The following SEC16A variants were observed in gnomAD, a reference collection of about 807,000 sequenced individuals.
SEC16A encodes the protein protein transport protein Sec16A.
Under a neutral mutation model 221.9 loss-of-function variants are expected in SEC16A, and 110 were observed. The ratio of observed to expected loss-of-function variants is 0.50; its 90% CI spans 0.42 to 0.58. The LOEUF (loss-of-function observed/expected upper bound fraction) is 0.58, where lower values mean the gene tolerates loss of function less well. Among genes scored for constraint, SEC16A ranks in the 20% least tolerant of loss-of-function variants. SEC16A has a pLI of 0.00. For synonymous variants in SEC16A, 1,393 were observed against 1,257.7 expected (o/e 1.11, Z -2.28); for missense variants, 3,165 against 3,097.8 (o/e 1.02, Z -0.52).
At chr9:136,471,089 T>C (rs1840795525) in intron 4 of SEC16A, among the ~76,000 whole-genome samples, 1 of 151,928 alleles carries the variant, frequency 6.6e-6, no homozygotes, top group African/African-American at 2.4e-5. Context: ...GAAGCCACAG[T>C]GCCACAGGTC....
intron 30 of SEC16A, 112 bp downstream of exon 30, chr9:136,444,940 C>A: frequency 2.7e-6 from 2 of 733,066 alleles, no homozygotes; most frequent in Non-Finnish European, 2.3e-6. Flanking sequence ...CTGAGGGAGA[C>A]AACGGGCGAG....
At position 136,447,636 on chromosome 9, in the gene SEC16A, C is replaced by T. The variant is rs775137786; in HGVS notation, c.6492G>A (p.Val2164=). 29 of 1,613,798 alleles carry T rather than the reference C, an allele frequency of 1.8e-5. 1 individual carries two copies. In the Middle Eastern group the frequency reaches 1.8e-3, roughly 101 times the overall value. The stretch of plus-strand genomic sequence containing the variant: ...CTGGGAGGGCAGGCGGGGCAGCTTG[C>T]ACAGTCTTGGGCATCGAGGTTGGAG... The part of the protein sequence containing the change: ...PPPPTSMPKT[V]QAAPPALPGP... The change falls in exon 26 of 32, where the codon GTG becomes GTA. Residue 2164 remains valine (V), a synonymous_variant. Transcript: ENST00000684901. The surrounding 1 kb of genome is among the most constrained non-coding windows in gnomAD (Gnocchi z 5.5).
chr9:136,463,023 G>A lies in SEC16A; in HGVS notation c.4757C>T (p.Ala1586Val). ...EANLIDFTNE[A>V]VEQVEEEESG... is the part of the protein sequence containing the mutation. Reference sequence around the variant, plus strand: ...CTCCTCCTCTTCCACCTGCTCCACTGCCTCATTCGTGAAATCAATCAGGTT... The same window carrying A: ...CTCCTCCTCTTCCACCTGCTCCACTACCTCATTCGTGAAATCAATCAGGTT... Residue 1586 changes from alanine to valine, a missense_variant, in exon 12 of 32, where the codon GCA (alanine) becomes GTA (valine). By Grantham distance (64) the Ala-to-Val change is moderately conservative. Coordinates refer to ENST00000684901, the MANE Select transcript of SEC16A (RefSeq NM_014866.2). 1 of 1,612,156 alleles carries A rather than the reference G, an allele frequency of 6.2e-7. No individual in the cohort carries two copies. Among genetic ancestry groups the A allele is most frequent in the South Asian group, 1.1e-5 (1 of 91,088 alleles).
In SEC16A at chr9:136,449,636, T is replaced by C. The variant is rs76201549; in HGVS notation, c.6313-1475A>G. Among the ~76,000 whole-genome samples the C allele has an allele frequency of 2.4e-3, 372 of 152,292 alleles. 2 individuals are homozygous for C. Among genetic ancestry groups the C allele is most frequent in the African/African-American group, 8.5e-3 (355 of 41,568 alleles). On this transcript the variant is annotated intron_variant, in intron 23 of 31. Coordinates refer to ENST00000684901, the MANE Select transcript of SEC16A (RefSeq NM_014866.2). ...CAGGTGTGAGCCGCCATGCCCGGCCTGATGCACTTCACTTCTACTGAAGAA... is the reference window on the plus strand; with the variant it reads ...CAGGTGTGAGCCGCCATGCCCGGCCCGATGCACTTCACTTCTACTGAAGAA...
upstream of SEC16A, chr9:136,484,482 C>G: frequency 8.2e-7 from 1 of 1,214,922 alleles, no homozygotes; most frequent in South Asian, 1.5e-5. Flanking sequence ...ACCTGCCTGG[C>G]AAGGGCAGGG....
chr9:136,441,699 C>A lies in SEC16A; in HGVS notation c.*56G>T. 6.4e-7 allele frequency: 1 copy of A among 1,556,586 alleles called. No homozygotes were observed. The highest frequency in any genetic ancestry group is 8.9e-7 in the Non-Finnish European group (1 of 1,129,076). On this transcript the variant is annotated 3_prime_UTR_variant, in exon 32 of 32. Coordinates refer to ENST00000684901, the MANE Select transcript of SEC16A (RefSeq NM_014866.2). ...GGAGATCGCGGAGGTCGGTCGGGTT[C>A]TTCGGGGAGAACAGCAGCGTCAGGG...
chr9:136,445,350 G>A (rs924758036), intron 29 of SEC16A, among the ~76,000 whole-genome samples: 5 of 152,208 alleles, frequency 3.3e-5, no homozygotes, highest in African/African-American at 1.2e-4. Context: ...CTCGGCCTAA[G>A]CCAGCTTCAC....
chr9:136,446,561 T>C (rs1837020369), intron 28 of SEC16A, among the ~76,000 whole-genome samples: 1 of 152,138 alleles, frequency 6.6e-6, no homozygotes, highest in Admixed American at 6.6e-5. Flanking sequence ...TTGTAAAATA[T>C]ACATACTGTA....
intron 12 of SEC16A, among the ~76,000 whole-genome samples, chr9:136,461,594 C>T (rs1313208467): frequency 1.3e-5 from 2 of 152,230 alleles, no homozygotes; most frequent in African/African-American, 2.4e-5. Context: ...CTGGGAAACA[C>T]GCTCGAGTCA....
rs1840100636 is a variant in SEC16A at position 136,466,020 on chromosome 9, G to A, written c.4245C>T (p.Gly1415=). ...GGTAGCCATACTCTGGGAAGCCGGG[G>A]CCACTGCTGAAATTGCTGCGGTAGG... ...YGTYRSNFSS[G]PGFPEYGYPA... is the part of the protein sequence containing the mutation. The change falls in exon 8 of 32, where the codon GGC becomes GGT. Residue 1415 remains glycine, a synonymous_variant. Transcript: ENST00000684901. This position sits in a 1 kb window ranked among gnomAD's most constrained non-coding sequence, Gnocchi z 5.5. The A allele has an allele frequency of 6.2e-7, 1 of 1,613,774 alleles. No individual in the cohort carries two copies. The highest frequency in any genetic ancestry group is 1.7e-5 in the Admixed American group (1 of 60,030).
chr9:136,447,121 C>T lies in SEC16A; in HGVS notation c.6697+106G>A. 2.6e-6 allele frequency: 4 copies of T among 1,515,928 alleles called. No individual in the cohort carries two copies. Among genetic ancestry groups the T allele is most frequent in the Non-Finnish European group, 3.5e-6 (4 of 1,128,088 alleles). The allele number at this position is 1,515,928 out of a possible 1,614,324, so 93.9% of individuals were successfully genotyped here. ...CAACCCCAGGCTCTCTGCATGCTGG[C>T]CAGGTCATTCTTTTAACGGGAGATT... On this transcript the variant is annotated intron_variant, in intron 27 of 31. Coordinates refer to ENST00000684901, the MANE Select transcript of SEC16A (RefSeq NM_014866.2). This position sits in a 1 kb window ranked among gnomAD's most constrained non-coding sequence, Gnocchi z 5.5.
At chr9:136,469,247 C>T (rs1214742342) in intron 4 of SEC16A, among the ~76,000 whole-genome samples, 2 of 152,146 alleles carry the variant, frequency 1.3e-5, no homozygotes, top group Non-Finnish European at 2.9e-5. Flanking sequence ...AGGGTACCCC[C>T]GTCAGAGCCC....
chr9:136,450,956 A>G (rs1266698781), intron 23 of SEC16A, among the ~76,000 whole-genome samples: 1 of 152,190 alleles, frequency 6.6e-6, no homozygotes, highest in Non-Finnish European at 1.5e-5. Flanking sequence ...GGCACACACC[A>G]CAGTGACAAA....
At position 136,441,327 on chromosome 9, in the gene SEC16A, A is replaced by T. The variant is rs1836163332; in HGVS notation, c.*428T>A. On this transcript the variant is annotated 3_prime_UTR_variant, in exon 32 of 32. Transcript: ENST00000684901. ...ACCCTCTCTTTGCTCCCAGCACCTT[A>T]AAGGAAGCGCGGGACTCACTGGGCA... 1 of 212,554 alleles carries T rather than the reference A, an allele frequency of 4.7e-6. No individual in the cohort carries two copies. The highest frequency in any genetic ancestry group is 2.3e-5 in the African/African-American group (1 of 44,112). 13.2% of individuals were successfully genotyped at this position (212,554 alleles called of 1,614,324 possible).
At position 136,451,470 on chromosome 9, in the gene SEC16A, G is replaced by A. The variant is rs45564338; in HGVS notation, c.6160-62C>T. The A allele has an allele frequency of 3.7e-3, 5,639 of 1,513,784 alleles. 194 individuals carry two copies. In the African/African-American group the frequency reaches 0.067, roughly 18 times the overall value. The allele number at this position is 1,513,784 out of a possible 1,614,324, so 93.8% of individuals were successfully genotyped here. On this transcript the variant is annotated intron_variant, in intron 22 of 31. Transcript: ENST00000684901. ...CTCCTCACAGGAACCGAAAGAGAGAGGGGGATGCAATTCCCCAGGCGTGTT... is the reference window on the plus strand; with the variant it reads ...CTCCTCACAGGAACCGAAAGAGAGAAGGGGATGCAATTCCCCAGGCGTGTT...
In SEC16A at chr9:136,441,610, T is replaced by G; in HGVS notation, c.*145A>C. 1 of 637,502 alleles carries G rather than the reference T, an allele frequency of 1.6e-6. No homozygotes were observed. The highest frequency in any genetic ancestry group is 1.8e-5 in the African/African-American group (1 of 55,652). 39.5% of individuals were successfully genotyped at this position (637,502 alleles called of 1,614,324 possible). A position where few individuals can be genotyped will look rare whatever the true frequency, so the allele number is the denominator to read the frequency against. ...CAAAATAATTCATTACGATGGGCGGTGAGGAGGGAGGCACAGTGTGCGACC... is the reference window on the plus strand; with the variant it reads ...CAAAATAATTCATTACGATGGGCGGGGAGGAGGGAGGCACAGTGTGCGACC... On this transcript the variant is annotated 3_prime_UTR_variant, in exon 32 of 32. Transcript: ENST00000684901.
Position 136,440,488 on chromosome 9 carries a change from T to G in SEC16A, c.*1267A>C, listed in dbSNP as rs1004692240. On this transcript the variant is annotated 3_prime_UTR_variant, in exon 32 of 32. Coordinates refer to ENST00000684901, the MANE Select transcript of SEC16A (RefSeq NM_014866.2). ...ACTTAAATTTAAAACACCAAACAGT[T>G]TGTATTCCTCCAGCAGAACCTACAG... 6.6e-6 allele frequency: 1 copy of G among 152,670 alleles called. No homozygotes were observed. The highest frequency in any genetic ancestry group is 2.4e-5 in the African/African-American group (1 of 41,470). 9.5% of individuals were successfully genotyped at this position (152,670 alleles called of 1,614,324 possible). A position where few individuals can be genotyped will look rare whatever the true frequency, so the allele number is the denominator to read the frequency against.
At chr9:136,446,637 C>T (rs2131830185) in intron 28 of SEC16A, among the ~76,000 whole-genome samples, 1 of 152,282 alleles carries the variant, frequency 6.6e-6, no homozygotes, top group Admixed American at 6.5e-5. Context: ...CCATCACCGC[C>T]ACTATCCCCA....
chr9:136,473,017 A>T (rs1054171632), intron 3 of SEC16A, among the ~76,000 whole-genome samples: 3 of 152,252 alleles, frequency 2.0e-5, no homozygotes, highest in Non-Finnish European at 4.4e-5. Flanking sequence ...TATGGAAATA[A>T]AAAGTGCCTG....
Sources: gnomAD v4.1 joint callset for allele counts (sites outside exome capture counted in the v4.1 genomes callset) on GRCh38, gnomAD v4.1.1 for gene constraint, Gnocchi (gnomAD v3.1) non-coding constraint, MANE v1.5 for transcripts, NCBI Gene and HGNC (gene_info 2026-07-23, HGNC 2026-07-21) for gene names.